The following OSBPL6 variants were observed in gnomAD, a reference collection of about 807,000 sequenced individuals.
OSBPL6 encodes the protein oxysterol binding protein like 6.
In OSBPL6, 49 loss-of-function variants were observed where a neutral mutation model predicts 125.8. The ratio of observed to expected loss-of-function variants is 0.39; its 90% CI spans 0.31 to 0.49. The LOEUF is 0.49. OSBPL6 is among the 20% of genes least tolerant of loss of function. OSBPL6 has a pLI of 0.88. For missense variants in OSBPL6, 986 were observed against 1,135.4 expected (o/e 0.87, Z 1.89); for synonymous variants, 394 against 391.8 (o/e 1.01, Z -0.07).
chr2:178,269,994 C>T (rs2092339716), intron 1 of OSBPL6, among the ~76,000 whole-genome samples: 1 of 152,168 alleles, frequency 6.6e-6, no homozygotes, highest in Non-Finnish European at 1.5e-5. Context: ...GAATGTCAGG[C>T]AGGGCGGACG....
chr2:178,360,385 A>T (rs1005588626), intron 12 of OSBPL6, among the ~76,000 whole-genome samples: 2 of 152,168 alleles, frequency 1.3e-5, no homozygotes, highest in African/African-American at 2.4e-5. Flanking sequence ...GGGGGGCGGG[A>T]AATGGATAAG....
chr2:178,340,059 CTTAAAAATCTAGA>C (rs1442200304), intron 11 of OSBPL6, among the ~76,000 whole-genome samples: 3 of 152,012 alleles, frequency 2.0e-5, no homozygotes, highest in South Asian at 2.1e-4. Context: ...AAAAAGTTAC[CTTAAAAATCTAGA>C]TTAAAAATCT....
At chr2:178,385,259 G>A (rs1439784513) in intron 18 of OSBPL6, among the ~76,000 whole-genome samples, 199 bp from the exon 19 acceptor site, 6 of 152,030 alleles carry the variant, frequency 3.9e-5, no homozygotes, top group African/African-American at 1.4e-4. Context: ...AAGGAAGAAA[G>A]AAAGGAAGGA....
chr2:178,330,060 C>T (rs528652541), intron 5 of OSBPL6, among the ~76,000 whole-genome samples: 3 of 152,306 alleles, frequency 2.0e-5, no homozygotes, highest in South Asian at 2.1e-4. Flanking sequence ...TCCTCACTGT[C>T]GTTCTTCCTG....
chr2:178,266,169 G>C (rs989262732), intron 1 of OSBPL6, among the ~76,000 whole-genome samples: 2 of 152,196 alleles, frequency 1.3e-5, no homozygotes, highest in Non-Finnish European at 2.9e-5. Flanking sequence ...AGCAGGGGCA[G>C]ATCACACTGA....
chr2:178,373,719 A>T (rs1693617483), intron 14 of OSBPL6, among the ~76,000 whole-genome samples, 171 bp from the exon 15 acceptor site: 1 of 152,246 alleles, frequency 6.6e-6, no homozygotes, highest in Admixed American at 6.5e-5. Context: ...GTCTTTAGAC[A>T]CATTGGAAGG....
intron 11 of OSBPL6, among the ~76,000 whole-genome samples, chr2:178,345,900 T>C (rs987209874): frequency 3.3e-5 from 5 of 152,248 alleles, no homozygotes; most frequent in African/African-American, 1.2e-4. Context: ...AATGGGTTTA[T>C]ATTTTTAAAA....
At chr2:178,276,078 T>C (rs1470293447) in intron 1 of OSBPL6, among the ~76,000 whole-genome samples, 1 of 152,208 alleles carries the variant, frequency 6.6e-6, no homozygotes, top group East Asian at 1.9e-4. Flanking sequence ...GCTTTGATGA[T>C]AGGATTTTCT....
chr2:178,297,632 T>C (rs1685878511), intron 2 of OSBPL6, among the ~76,000 whole-genome samples: 1 of 152,228 alleles, frequency 6.6e-6, no homozygotes, highest in African/African-American at 2.4e-5. Flanking sequence ...CTCACCTTCA[T>C]GGATCTTACA....
At chr2:178,280,522 A>G (rs1684050021) in intron 1 of OSBPL6, among the ~76,000 whole-genome samples, 1 of 152,232 alleles carries the variant, frequency 6.6e-6, no homozygotes, top group South Asian at 2.1e-4. Flanking sequence ...AAGGTTGTAC[A>G]GAATATTCGC....
chr2:178,387,209 C>A, intron 20 of OSBPL6, 70 bp downstream of exon 20: 1 of 1,233,900 alleles, frequency 8.1e-7, no homozygotes, highest in Non-Finnish European at 1.2e-6. Flanking sequence ...ATTTTAAACT[C>A]TAGAAGATGG....
chr2:178,321,305 G>A (rs901256475), intron 3 of OSBPL6, among the ~76,000 whole-genome samples: 23 of 152,178 alleles, frequency 1.5e-4, no homozygotes, highest in African/African-American at 4.1e-4. Flanking sequence ...GGGTAGAGAA[G>A]ATGGAATTCC....
rs191281935 is a variant in OSBPL6 at position 178,225,494 on chromosome 2, G to A, written c.-351+30820G>A. Among the ~76,000 whole-genome samples, 116 of 152,296 alleles carry A rather than the reference G, an allele frequency of 7.6e-4. 1 individual carries two copies. The highest frequency in any genetic ancestry group is 7.6e-3 in the Admixed American group (116 of 15,298). The stretch of plus-strand genomic sequence containing the variant: ...TTCAGACCCTTGAGTTTGTTCAGAT[G>A]TTCTCTAGTGATGGGATTCTGTAGT... On this transcript the variant is annotated intron_variant, in intron 1 of 24. Transcript: ENST00000190611.
At chr2:178,301,002 G>A (rs1686224809) in intron 2 of OSBPL6, among the ~76,000 whole-genome samples, 1 of 152,076 alleles carries the variant, frequency 6.6e-6, no homozygotes, top group Non-Finnish European at 1.5e-5. Context: ...TGATATGGCA[G>A]GGGTAAGATC....
At chr2:178,395,239 C>T (rs540747756) in intron 24 of OSBPL6, among the ~76,000 whole-genome samples, 1 of 152,246 alleles carries the variant, frequency 6.6e-6, no homozygotes, top group South Asian at 2.1e-4. Flanking sequence ...TTCCTCTCCC[C>T]CTGGCCCTAC....
chr2:178,318,383 T>C (rs1687952396), intron 3 of OSBPL6, among the ~76,000 whole-genome samples: 1 of 152,216 alleles, frequency 6.6e-6, no homozygotes, highest in Admixed American at 6.5e-5. Context: ...TCTAAAATTT[T>C]CTACTTTCAT....
intron 3 of OSBPL6, among the ~76,000 whole-genome samples, chr2:178,312,645 G>A (rs1300672550): frequency 6.6e-6 from 1 of 151,378 alleles, no homozygotes. Flanking sequence ...TAGTAGAGAT[G>A]GGGTTTCACT....
chr2:178,205,441 C>T, intron 1 of OSBPL6, among the ~76,000 whole-genome samples: 1 of 152,134 alleles, frequency 6.6e-6, no homozygotes, highest in East Asian at 1.9e-4. Context: ...TCTTAGAATT[C>T]TACCTGATCT....
intron 1 of OSBPL6, among the ~76,000 whole-genome samples, chr2:178,228,591 G>C (rs932596725): frequency 6.6e-6 from 1 of 152,058 alleles, no homozygotes; most frequent in East Asian, 1.9e-4. Flanking sequence ...TTTCCTAATA[G>C]CCAAGTTAAA....
Sources: allele counts gnomAD v4.1 joint callset (sites outside exome capture counted in the v4.1 genomes callset), GRCh38; gene constraint gnomAD v4.1.1; transcripts MANE v1.5; gene names NCBI Gene and HGNC (gene_info 2026-07-23, HGNC 2026-07-21).